Variants in HECTD4 observed in about 807,000 individuals in gnomAD.
The protein encoded by HECTD4 is HECT domain E3 ubiquitin protein ligase 4.
In HECTD4, 114 loss-of-function variants were observed where a neutral mutation model predicts 471.5. The observed-to-expected ratio is 0.24, with a 90% CI of 0.21 to 0.28. HECTD4 has a LOEUF of 0.28. Among genes scored for constraint, HECTD4 ranks in the 10% least tolerant of loss-of-function variants. The pLI, the probability that HECTD4 is intolerant of heterozygous loss-of-function variation, is 1.00. For synonymous variants in HECTD4, 2,012 were observed against 2,256.0 expected, an observed-to-expected ratio of 0.89 and a Z score of 3.07; for missense variants, 3,866 against 5,651.5, an observed-to-expected ratio of 0.68 and a Z score of 10.13.
Position 112,306,048 on chromosome 12 carries a change from G to GA in HECTD4, c.1335+15dup. On this transcript the variant is annotated intron_variant, in intron 7 of 75. Transcript: ENST00000682272. ...AATGTTTCTGCAAAGATACAAGCGA[G>GA]AAAGTTCAAACTTACCACAAGTTCA... 6.3e-7 allele frequency: 1 copy of GA among 1,586,778 alleles called. No individual in the cohort carries two copies. Among genetic ancestry groups the GA allele is most frequent in the African/African-American group, 1.4e-5 (1 of 73,816 alleles).
chr12:112,221,248 C>G (rs928215526), intron 44 of HECTD4, among the ~76,000 whole-genome samples: 4 of 152,124 alleles, frequency 2.6e-5, no homozygotes, highest in South Asian at 2.1e-4. Flanking sequence ...ATTTCAGGAG[C>G]ATTTTATTTT....
chr12:112,348,872 G>T (rs2036202629), intron 1 of HECTD4, among the ~76,000 whole-genome samples: 1 of 152,128 alleles, frequency 6.6e-6, no homozygotes, highest in Admixed American at 6.5e-5. Context: ...TATATCTAGA[G>T]AGAGGAAGAG....
intron 1 of HECTD4, among the ~76,000 whole-genome samples, chr12:112,366,206 C>CA (rs1375074616): frequency 2.7e-5 from 4 of 150,316 alleles, no homozygotes; most frequent in Admixed American, 6.7e-5. Context: ...ACCTGGTGAA[C>CA]AAAAAAAAAT....
chr12:112,247,977 T>TACACCC (rs2033797560), intron 27 of HECTD4, 90 bp downstream of exon 27: 1 of 599,702 alleles, frequency 1.7e-6, no homozygotes, highest in African/African-American at 2.0e-5. Context: ...TTATTTTACC[T>TACACCC]ACACACACAC....
intron 1 of HECTD4, among the ~76,000 whole-genome samples, chr12:112,336,010 T>TG (rs2035950832): frequency 6.6e-6 from 1 of 150,478 alleles, no homozygotes; most frequent in East Asian, 1.9e-4. Context: ...GAAGAAGTCT[T>TG]GGGAAAAAAA....
intron 1 of HECTD4, among the ~76,000 whole-genome samples, chr12:112,326,515 AAAAC>A (rs1369214175): frequency 6.6e-6 from 1 of 152,104 alleles, no homozygotes; most frequent in African/African-American, 2.4e-5. Flanking sequence ...AAAAACAAAA[AAAAC>A]AGATGATCAA....
chr12:112,367,654 T>C (rs2036590602), intron 1 of HECTD4, among the ~76,000 whole-genome samples: 1 of 151,486 alleles, frequency 6.6e-6, no homozygotes, highest in South Asian at 2.1e-4. Context: ...ACCCCATCTC[T>C]AATAAAAATA....
intron 1 of HECTD4, among the ~76,000 whole-genome samples, chr12:112,342,829 C>T (rs1176853126): frequency 6.6e-6 from 1 of 152,196 alleles, no homozygotes; most frequent in Non-Finnish European, 1.5e-5. Context: ...TTCAACTTCT[C>T]TTTCCAATAT....
chr12:112,181,866 C>T (rs2031678699), intron 62 of HECTD4, among the ~76,000 whole-genome samples: 1 of 152,006 alleles, frequency 6.6e-6, no homozygotes, highest in African/African-American at 2.4e-5. Flanking sequence ...CCAAGGCGGG[C>T]AAATCACCTG....
chr12:112,224,457 G>A (rs1032850088), intron 44 of HECTD4, among the ~76,000 whole-genome samples: 6 of 151,896 alleles, frequency 4.0e-5, no homozygotes, highest in Non-Finnish European at 5.9e-5. Flanking sequence ...TAGTGGAGAC[G>A]GGGTTTCACC....
In HECTD4 at chr12:112,264,100, T is replaced by C; in HGVS notation, c.2732A>G (p.Glu911Gly). 6.2e-7 allele frequency: 1 copy of C among 1,610,144 alleles called. No homozygotes were observed. The highest frequency in any genetic ancestry group is 8.5e-7 in the Non-Finnish European group (1 of 1,178,190). The change falls in exon 17 of 76, where the codon GAG (glutamate) becomes GGG (glycine). Residue 911 changes from glutamate (E) to glycine (G), a missense_variant. Physicochemically the swap from Glu to Gly is moderately conservative, Grantham distance 98. Transcript: ENST00000682272. The part of the protein sequence containing the change: ...NDDSDSSLQG[E>G]TLKVQELKVS... ...GGTGTTTACCTGTACCTTCAATGTC[T>C]CTCCCTGCAAGGAGCTGTCACTGTC...
intron 61 of HECTD4, 64 bp from the exon 62 acceptor site, chr12:112,183,330 C>T (rs569604168): frequency 8.1e-7 from 1 of 1,228,968 alleles, no homozygotes; most frequent in African/African-American, 1.5e-5. Flanking sequence ...TGTGAGTGAA[C>T]TTCTCCCTCC....
chr12:112,296,178 C>T (rs1260420644), intron 7 of HECTD4, among the ~76,000 whole-genome samples: 1 of 150,066 alleles, frequency 6.7e-6, no homozygotes, highest in African/African-American at 2.5e-5. Flanking sequence ...GGTGTAGGTG[C>T]AGTGGATGTA....
chr12:112,238,722 G>C (rs1193622293), intron 34 of HECTD4, among the ~76,000 whole-genome samples: 2 of 151,984 alleles, frequency 1.3e-5, no homozygotes, highest in Non-Finnish European at 2.9e-5. Flanking sequence ...GACAGACCTT[G>C]TGTCTAATAA....
chr12:112,348,524 G>A (rs964339972), intron 1 of HECTD4, among the ~76,000 whole-genome samples: 4 of 152,104 alleles, frequency 2.6e-5, no homozygotes, highest in South Asian at 4.1e-4. Context: ...TTTAGAGGTC[G>A]AGGCAGATGA....
At chr12:112,237,203 C>A (rs1389073537) in intron 34 of HECTD4, 105 bp from the exon 35 acceptor site, 5 of 968,014 alleles carry the variant, frequency 5.2e-6, no homozygotes, top group African/African-American at 4.9e-5. Flanking sequence ...CTTAATGTTT[C>A]ATGAACCATC....
At chr12:112,168,369 G>A (rs575844593) in intron 70 of HECTD4, among the ~76,000 whole-genome samples, 8 of 152,332 alleles carry the variant, frequency 5.3e-5, no homozygotes, top group African/African-American at 9.6e-5. Flanking sequence ...CCGGGCTCGC[G>A]TATGTCCGAT....
chr12:112,184,317 C>T lies in HECTD4; in HGVS notation c.10649G>A (p.Gly3550Asp). The T allele has an allele frequency of 6.2e-7, 1 of 1,612,982 alleles. No homozygotes were observed. Among genetic ancestry groups the T allele is most frequent in the East Asian group, 2.2e-5 (1 of 44,864 alleles). The change falls in exon 61 of 76, where the codon GGC (glycine) becomes GAC (aspartate). Residue 3550 changes from glycine to aspartate, a missense_variant. Coordinates refer to ENST00000682272, the MANE Select transcript of HECTD4 (RefSeq NM_001388303.1). This position sits in a 1 kb window ranked among gnomAD's most constrained non-coding sequence, Gnocchi z 9.1. ...LCSTGSLGSL[G>D]SLGEPLDNAE... ...ATTGTCCAGGGGCTCCCCCAGGCTGCCCAGGCTGCCCAGGCTGCCGGTGCT... is the reference window on the plus strand; with the variant it reads ...ATTGTCCAGGGGCTCCCCCAGGCTGTCCAGGCTGCCCAGGCTGCCGGTGCT...
Position 112,239,297 on chromosome 12 carries a change from C to A in HECTD4, c.5106-61G>T. 1 of 1,462,740 alleles carries A rather than the reference C, an allele frequency of 6.8e-7. No homozygotes were observed. The highest frequency in any genetic ancestry group is 2.4e-5 in the East Asian group (1 of 41,676). 90.6% of individuals were successfully genotyped at this position (1,462,740 alleles called of 1,614,324 possible). A position where few individuals can be genotyped will look rare whatever the true frequency, so the allele number is the denominator to read the frequency against. On this transcript the variant is annotated intron_variant, in intron 33 of 75. Coordinates refer to ENST00000682272, the MANE Select transcript of HECTD4 (RefSeq NM_001388303.1). This position sits in a 1 kb window ranked among gnomAD's most constrained non-coding sequence, Gnocchi z 4.9. Reference sequence around the variant, plus strand: ...AACTGACCGACACTCAGGAAACTCTCATGTGAGGTTCAAAGGGGCATAAAA... The same window carrying A: ...AACTGACCGACACTCAGGAAACTCTAATGTGAGGTTCAAAGGGGCATAAAA...
Sources: gnomAD v4.1 joint callset for allele counts (sites outside exome capture counted in the v4.1 genomes callset) on GRCh38, gnomAD v4.1.1 for gene constraint, Gnocchi (gnomAD v3.1) non-coding constraint, MANE v1.5 for transcripts, NCBI Gene and HGNC (gene_info 2026-07-23, HGNC 2026-07-21) for gene names.